ZGRF1: variants seen among roughly 807,000 people sequenced by gnomAD.
ZGRF1 encodes the protein 5'-3' DNA helicase ZGRF1.
ZGRF1 carries 196 observed loss-of-function variants against 203.5 expected under a neutral mutation model. The ratio of observed to expected loss-of-function variants is 0.96; its 90% CI spans 0.86 to 1.08. ZGRF1 has a LOEUF of 1.08. ZGRF1 is among the 50% of genes least tolerant of loss of function. The pLI, the probability that ZGRF1 is intolerant of heterozygous loss-of-function variation, is 0.00. For missense variants in ZGRF1, 2,326 were observed against 2,416.3 expected (o/e 0.96, Z 0.78); for synonymous variants, 809 against 841.3 (o/e 0.96, Z 0.66).
At chr4:112,615,709 C>A (rs777480481) in intron 6 of ZGRF1, among the ~76,000 whole-genome samples, 3 of 151,214 alleles carry the variant, frequency 2.0e-5, no homozygotes, top group Admixed American at 6.6e-5. Context: ...TCTCGGCTCA[C>A]TGCAACCTCC....
rs374078464 is a variant in ZGRF1 at position 112,540,935 on chromosome 4, A to G, written c.5796T>C (p.Phe1932=). The G allele has an allele frequency of 2.5e-6, 4 of 1,572,978 alleles. No homozygotes were observed. In the African/African-American group the frequency reaches 4.0e-5, roughly 16 times the overall value. The change falls in exon 26 of 28, where the codon TTT becomes TTC. Residue 1932 remains phenylalanine, a synonymous_variant. Coordinates refer to ENST00000505019, the MANE Select transcript of ZGRF1 (RefSeq NM_018392.5). ...GLEQIERDNS[F]HNVAEATFTL... ...TAAACGTAGCTTCTGCCACATTATG[A>G]AAGCTGTTATCTCTTTCTATCTGGA...
chr4:112,574,608 A>C (rs887014536), intron 16 of ZGRF1, among the ~76,000 whole-genome samples: 5 of 152,212 alleles, frequency 3.3e-5, no homozygotes, highest in African/African-American at 7.2e-5. Context: ...TGCTTATTGT[A>C]TTATTTTAAG....
chr4:112,609,057 A>ATT (rs1043539020), intron 8 of ZGRF1, among the ~76,000 whole-genome samples: 3 of 145,766 alleles, frequency 2.1e-5, no homozygotes, highest in Non-Finnish European at 4.6e-5. Flanking sequence ...TAATTGGCTA[A>ATT]TTTTTTTTTT....
Position 112,581,872 on chromosome 4 carries a change from T to C in ZGRF1, c.4299-70A>G. ...GCAAGTTTTTTGAAAATCTTTAAAA[T>C]ACAGTATGAAAAGAACCAGGGTTTC... On this transcript the variant is annotated intron_variant, in intron 15 of 27. Transcript: ENST00000505019. The C allele has an allele frequency of 3.9e-6, 3 of 773,370 alleles. No homozygotes were observed. The South Asian group carries it at 8.0e-5, about 21-fold the overall frequency. The allele number at this position is 773,370 out of a possible 1,614,324, so 47.9% of individuals were successfully genotyped here. A position where few individuals can be genotyped will look rare whatever the true frequency, so the allele number is the denominator to read the frequency against.
Position 112,539,668 on chromosome 4 carries a change from T to C in ZGRF1, c.6194A>G (p.His2065Arg), listed in dbSNP as rs1360448868. The part of the protein sequence containing the change: ...HCEGREDGLQ[H>R]ANQYEPQLNH... ...CAGCTGTGGTTCATACTGGTTTGCA[T>C]GTTGCAATCCATCTTCCCTTCCTTA... The change falls in exon 28 of 28, where the codon CAT becomes CGT. Residue 2065 changes from histidine (H) to arginine (R), a missense_variant. Transcript: ENST00000505019. 1.9e-6 allele frequency: 3 copies of C among 1,601,964 alleles called. No individual in the cohort carries two copies. Among genetic ancestry groups the C allele is most frequent in the South Asian group, 1.1e-5 (1 of 88,160 alleles).
rs373768353 is a variant in ZGRF1, at chr4:112,587,456, G to T, written c.3601C>A (p.His1201Asn). Reference sequence around the variant, plus strand: ...AGCATGCCTTTTATCATTTGCAAATGCACAGAGTCTAAAGAGCTTTCATTG... The same window carrying T: ...AGCATGCCTTTTATCATTTGCAAATTCACAGAGTCTAAAGAGCTTTCATTG... ...AVNESSLDSV[H>N]LQMIKGMLYQ... The change falls in exon 12 of 28, where the codon CAT becomes AAT. Residue 1201 changes from histidine to asparagine, a missense_variant. Coordinates refer to ENST00000505019, the MANE Select transcript of ZGRF1 (RefSeq NM_018392.5). 1.2e-6 allele frequency: 2 copies of T among 1,613,916 alleles called. No individual in the cohort carries two copies. Among genetic ancestry groups the T allele is most frequent in the Middle Eastern group, 1.6e-4 (1 of 6,062 alleles).
At chr4:112,620,273 C>CAA (rs1302486802) in intron 4 of ZGRF1, 83 bp from the exon 5 acceptor site, 2 of 971,056 alleles carry the variant, frequency 2.1e-6, no homozygotes, top group African/African-American at 3.3e-5. Context: ...CACTAAGACA[C>CAA]AATGGGTGTT....
chr4:112,607,322 T>TG (rs1435093485), intron 8 of ZGRF1, among the ~76,000 whole-genome samples: 9 of 152,166 alleles, frequency 5.9e-5, no homozygotes, highest in African/African-American at 1.7e-4. Flanking sequence ...TTTTTAGAGT[T>TG]GGAGTCTCAC....
Position 112,620,007 on chromosome 4 carries a change from ACTTC to A in ZGRF1, c.342_345del (p.Arg114SerfsTer55). 5 of 1,571,916 alleles carry A rather than the reference ACTTC, an allele frequency of 3.2e-6. No individual in the cohort carries two copies. Among genetic ancestry groups the A allele is most frequent in the Non-Finnish European group, 4.3e-6 (5 of 1,165,848 alleles). On this transcript the variant is annotated frameshift_variant, in exon 5 of 28. Transcript: ENST00000505019. LOFTEE classifies it high-confidence loss of function. ...TTTTCCATAGCAAAACTTACAGTAA[ACTTC>A]CTTTTTAAGCCAGAGGGCTGACATC... is the stretch of plus-strand genomic sequence containing the variant.
chr4:112,603,070 A>T (rs1489112332), intron 10 of ZGRF1, among the ~76,000 whole-genome samples: 2 of 151,890 alleles, frequency 1.3e-5, no homozygotes, highest in African/African-American at 4.8e-5. Context: ...GAAATTTAAA[A>T]AAAAATCTCT....
At position 112,541,072 on chromosome 4, in the gene ZGRF1, T is replaced by C. The variant is rs1432944623; in HGVS notation, c.5775+20A>G. The C allele has an allele frequency of 3.8e-6, 6 of 1,563,398 alleles. 1 individual carries two copies. In the South Asian group the frequency reaches 5.8e-5, roughly 15 times the overall value. On this transcript the variant is annotated intron_variant, in intron 25 of 27. Transcript: ENST00000505019. ...GGAACCTAAACCATGTTGACTCTCA[T>C]CAACATTAATGTCATTTACCTGTTC...
chr4:112,633,283 A>T (rs2047473156), intron 1 of ZGRF1, 41 bp from the exon 2 acceptor site: 2 of 877,408 alleles, frequency 2.3e-6, no homozygotes, highest in East Asian at 5.0e-5. Flanking sequence ...CCTGATTTTT[A>T]AAAAATATCA....
At chr4:112,558,533 A>G (rs2148881605) in intron 19 of ZGRF1, among the ~76,000 whole-genome samples, 1 of 152,162 alleles carries the variant, frequency 6.6e-6, no homozygotes, top group African/African-American at 2.4e-5. Flanking sequence ...ACACCTGGCT[A>G]ATTTTTGTAT....
chr4:112,542,964 T>C (rs1385637076), intron 24 of ZGRF1, among the ~76,000 whole-genome samples: 4 of 152,048 alleles, frequency 2.6e-5, no homozygotes, highest in African/African-American at 4.8e-5. Flanking sequence ...GCTGAGATTA[T>C]AGATTATAGG....
chr4:112,558,151 C>T lies in ZGRF1; in HGVS notation c.5119G>A (p.Gly1707Arg). 6.2e-7 allele frequency: 1 copy of T among 1,601,216 alleles called. No individual in the cohort carries two copies. The highest frequency in any genetic ancestry group is 8.5e-7 in the Non-Finnish European group (1 of 1,175,734). Residue 1707 changes from glycine (G) to arginine (R), a missense_variant and splice_region_variant, in exon 20 of 28, where the codon GGG becomes AGG. Coordinates refer to ENST00000505019, the MANE Select transcript of ZGRF1 (RefSeq NM_018392.5). ...TNVAVDRVLL[G>R]LLSLGFENFI... ...CTTAAATGCACTTGTCATGCCTACC[C>T]AAGAAGTACTCTGTCAACAGCCACA...
At chr4:112,539,822 T>C (rs1337163941) in intron 27 of ZGRF1, 41 bp downstream of exon 27, 3 of 1,606,292 alleles carry the variant, frequency 1.9e-6, no homozygotes, top group Non-Finnish European at 2.6e-6. Context: ...AAAAGTCAGT[T>C]TGAACTTGAA....
At chr4:112,607,151 G>A (rs1750892677) in intron 8 of ZGRF1, among the ~76,000 whole-genome samples, 1 of 151,878 alleles carries the variant, frequency 6.6e-6, no homozygotes, top group Non-Finnish European at 1.5e-5. Context: ...AAGAGACAGG[G>A]TCTTGCTCTG....
intron 3 of ZGRF1, among the ~76,000 whole-genome samples, chr4:112,630,862 G>C (rs554863765): frequency 1.3e-5 from 2 of 151,596 alleles, no homozygotes; most frequent in African/African-American, 4.9e-5. Context: ...ACTCCAACCC[G>C]GGCAACAGAG....
At chr4:112,543,858 A>C (rs947304323) in intron 24 of ZGRF1, among the ~76,000 whole-genome samples, 2 of 152,092 alleles carry the variant, frequency 1.3e-5, no homozygotes, top group Non-Finnish European at 2.9e-5. Context: ...TTATTTAAAA[A>C]ATTTTTTTGG....
Sources: allele counts gnomAD v4.1 joint callset (sites outside exome capture counted in the v4.1 genomes callset), GRCh38; gene constraint gnomAD v4.1.1; transcripts MANE v1.5; gene names NCBI Gene and HGNC (gene_info 2026-07-23, HGNC 2026-07-21).